The following IMMP2L variants were observed in gnomAD, a reference collection of about 807,000 sequenced individuals.
IMMP2L encodes the protein inner mitochondrial membrane peptidase subunit 2.
IMMP2L carries 18 observed loss-of-function variants against 19.3 expected under a neutral mutation model. The ratio of observed to expected loss-of-function variants is 0.93; its 90% CI spans 0.64 to 1.38. The LOEUF (loss-of-function observed/expected upper bound fraction) is 1.38, where lower values mean the gene tolerates loss of function less well. IMMP2L is among the 40% of genes most tolerant of loss of function. IMMP2L has a pLI of 0.00. For missense variants in IMMP2L, 233 were observed against 218.2 expected (o/e 1.07, Z -0.43); for synonymous variants, 76 against 73.0 (o/e 1.04, Z -0.21).
intron 3 of IMMP2L, among the ~76,000 whole-genome samples, chr7:111,277,563 AT>A (rs1819216382): frequency 9.3e-6 from 1 of 107,670 alleles, no homozygotes; most frequent in Non-Finnish European, 1.9e-5. Context: ...ACCTTGTCTC[AT>A]TTAAAAAAAA....
At chr7:110,938,201 A>G (rs1816330961) in intron 4 of IMMP2L, among the ~76,000 whole-genome samples, 1 of 152,164 alleles carries the variant, frequency 6.6e-6, no homozygotes, top group African/African-American at 2.4e-5. Flanking sequence ...AGGGTTATCA[A>G]TAAATGATTC....
Position 111,168,247 on chromosome 7 carries a change from T to TGTG in IMMP2L, c.240-204685_240-204683dup, listed in dbSNP as rs1433119372. 2.6e-5 allele frequency among the ~76,000 whole-genome samples: 4 copies of TGTG among 152,060 alleles called. No individual in the cohort carries two copies. The South Asian group carries it at 6.2e-4, about 24-fold the overall frequency. On this transcript the variant is annotated intron_variant, in intron 3 of 5. Transcript: ENST00000405709. ...GATTTGCAAAAATAATCCAATTATT[T>TGTG]GTGATTGTTTTTTACTTGTGGGCTT... is the stretch of plus-strand genomic sequence containing the variant.
chr7:110,828,932 A>G (rs1528034), intron 5 of IMMP2L, among the ~76,000 whole-genome samples: 64,955 of 152,000 alleles, frequency 0.43, 15,551 homozygotes, highest in East Asian at 0.75. Context: ...TATAATGAGT[A>G]TAAGTTCTGT....
Position 111,437,638 on chromosome 7 carries a change from T to C in IMMP2L, c.239+49600A>G, listed in dbSNP as rs567627992. ...TTTAAATTACCAGTTCTTTTCATTTTACTATTTCTTCTAAACCAGCCATCT... is the reference window on the plus strand; with the variant it reads ...TTTAAATTACCAGTTCTTTTCATTTCACTATTTCTTCTAAACCAGCCATCT... On this transcript the variant is annotated intron_variant, in intron 3 of 5. Coordinates refer to ENST00000405709, the MANE Select transcript of IMMP2L (RefSeq NM_032549.4). Among the ~76,000 whole-genome samples the C allele has an allele frequency of 6.7e-4, 102 of 152,110 alleles. 2 individuals carry two copies. The South Asian group carries it at 0.02, about 30-fold the overall frequency.
intron 3 of IMMP2L, among the ~76,000 whole-genome samples, chr7:111,210,432 T>C (rs960636505): frequency 7.2e-5 from 11 of 152,194 alleles, no homozygotes; most frequent in African/African-American, 2.2e-4. Flanking sequence ...TATTTCTAGG[T>C]AGAAGTCTTT....
In IMMP2L at chr7:111,124,301, T is replaced by C. The variant is rs146987268; in HGVS notation, c.240-160736A>G. ...GTTGGCGCTGACTTGAAGTCTGTTATGATCAAAGTGGATGGATCTTTTCCA... is the reference window on the plus strand; with the variant it reads ...GTTGGCGCTGACTTGAAGTCTGTTACGATCAAAGTGGATGGATCTTTTCCA... On this transcript the variant is annotated intron_variant, in intron 3 of 5. Coordinates refer to ENST00000405709, the MANE Select transcript of IMMP2L (RefSeq NM_032549.4). 137 of 1,613,832 alleles carry C rather than the reference T, an allele frequency of 8.5e-5. No individual in the cohort carries two copies. The highest frequency in any genetic ancestry group is 1.2e-4 in the Admixed American group (7 of 59,928).
intron 3 of IMMP2L, among the ~76,000 whole-genome samples, chr7:111,000,020 G>A (rs1026003992): frequency 1.3e-5 from 2 of 152,140 alleles, no homozygotes; most frequent in Admixed American, 1.3e-4. Context: ...CTAAAAGCCT[G>A]AGTTTTCCCA....
chr7:110,684,792 T>G (rs1002856494), intron 5 of IMMP2L, among the ~76,000 whole-genome samples: 3 of 151,982 alleles, frequency 2.0e-5, no homozygotes, highest in Non-Finnish European at 4.4e-5. Context: ...CACCAATCCA[T>G]TTCCCTACCA....
intron 3 of IMMP2L, among the ~76,000 whole-genome samples, chr7:111,117,166 G>T (rs1229080285): frequency 6.6e-6 from 1 of 152,010 alleles, no homozygotes; most frequent in Non-Finnish European, 1.5e-5. Flanking sequence ...CTAGAGTATT[G>T]AATATAAACT....
intron 3 of IMMP2L, among the ~76,000 whole-genome samples, chr7:111,438,769 C>G (rs1482097145): frequency 6.6e-6 from 1 of 151,748 alleles, no homozygotes; most frequent in Non-Finnish European, 1.5e-5. Context: ...GTAAGACTAT[C>G]AGTTACTAAA....
chr7:110,744,809 G>T (rs1797222608), intron 5 of IMMP2L, among the ~76,000 whole-genome samples: 1 of 152,172 alleles, frequency 6.6e-6, no homozygotes, highest in African/African-American at 2.4e-5. Flanking sequence ...AGTGCAAAAA[G>T]GCTGAAAATT....
chr7:111,240,935 A>C (rs1814945055), intron 3 of IMMP2L, among the ~76,000 whole-genome samples: 1 of 151,936 alleles, frequency 6.6e-6, no homozygotes, highest in Non-Finnish European at 1.5e-5. Flanking sequence ...TATAAACACC[A>C]AATGCTTTTA....
chr7:110,832,606 T>C (rs1286177298), intron 5 of IMMP2L, among the ~76,000 whole-genome samples: 1 of 152,150 alleles, frequency 6.6e-6, no homozygotes, highest in Non-Finnish European at 1.5e-5. Flanking sequence ...TCTCGAGCTA[T>C]GTACCTACCC....
intron 3 of IMMP2L, among the ~76,000 whole-genome samples, chr7:111,444,932 C>T (rs1284913571): frequency 2.0e-5 from 3 of 152,160 alleles, no homozygotes; most frequent in East Asian, 3.9e-4. Flanking sequence ...ACATGAAATA[C>T]TTTAGACTTA....
intron 4 of IMMP2L, among the ~76,000 whole-genome samples, chr7:110,941,870 T>C (rs1375003693): frequency 2.0e-5 from 3 of 150,892 alleles, no homozygotes; most frequent in Middle Eastern, 3.4e-3. Flanking sequence ...ATTGGGCTTT[T>C]TTGTTCTTCC....
intron 3 of IMMP2L, among the ~76,000 whole-genome samples, chr7:111,037,221 T>A (rs924641408): frequency 1.3e-5 from 2 of 152,166 alleles, no homozygotes; most frequent in Admixed American, 1.3e-4. Flanking sequence ...ATATACATAG[T>A]ATGGAACATT....
chr7:110,845,384 C>T (rs143278782), intron 5 of IMMP2L, among the ~76,000 whole-genome samples: 11 of 152,084 alleles, frequency 7.2e-5, no homozygotes, highest in African/African-American at 2.4e-4. Context: ...AGAGCCTGCT[C>T]GTCTGTGTTT....
At chr7:111,376,114 CAG>C in intron 3 of IMMP2L, among the ~76,000 whole-genome samples, 1 of 152,096 alleles carries the variant, frequency 6.6e-6, no homozygotes, top group East Asian at 1.9e-4. Context: ...AGTTAGCTAA[CAG>C]AGAAATTATG....
chr7:110,871,084 A>AT (rs1229278461), intron 5 of IMMP2L, among the ~76,000 whole-genome samples: 1 of 150,914 alleles, frequency 6.6e-6, no homozygotes, highest in African/African-American at 2.5e-5. Flanking sequence ...GTTGAGGGCA[A>AT]TAAAAAGTGA....
Sources: gnomAD v4.1 joint callset for allele counts (sites outside exome capture counted in the v4.1 genomes callset) on GRCh38, gnomAD v4.1.1 for gene constraint, MANE v1.5 for transcripts, NCBI Gene and HGNC (gene_info 2026-07-23, HGNC 2026-07-21) for gene names.